Variants in LRMDA observed in about 807,000 individuals in gnomAD.
LRMDA encodes the protein leucine-rich melanocyte differentiation-associated protein.
In LRMDA, 18 loss-of-function variants were observed where a neutral mutation model predicts 29.8. The observed-to-expected ratio is 0.60, with a 90% CI of 0.42 to 0.90. LRMDA has a LOEUF of 0.90. Ranked by LOEUF, LRMDA falls within the 40% of genes least tolerant of loss-of-function variation. LRMDA has a pLI of 0.00. For synonymous variants in LRMDA, 125 were observed against 109.4 expected, an observed-to-expected ratio of 1.14 and a Z score of -0.89; for missense variants, 273 against 273.9, an observed-to-expected ratio of 1.00 and a Z score of 0.02.
intron 2 of LRMDA, among the ~76,000 whole-genome samples, chr10:75,687,494 G>A (rs984609108): frequency 6.6e-6 from 1 of 152,196 alleles, no homozygotes; most frequent in Non-Finnish European, 1.5e-5. Context: ...GAGAGGTAAG[G>A]AAGCTGCAAA....
intron 2 of LRMDA, among the ~76,000 whole-genome samples, chr10:75,930,665 G>T (rs770725920): frequency 6.6e-6 from 1 of 152,176 alleles, no homozygotes; most frequent in African/African-American, 2.4e-5. Flanking sequence ...TGTCAAAGTT[G>T]CTGAGAGAGC....
chr10:76,450,315 A>G (rs976051393), intron 6 of LRMDA, among the ~76,000 whole-genome samples: 12 of 151,964 alleles, frequency 7.9e-5, no homozygotes, highest in Admixed American at 6.5e-5. Context: ...GGCCAGCCTT[A>G]TTTTTGCTAC....
At chr10:76,153,917 C>A (rs990603589) in intron 5 of LRMDA, among the ~76,000 whole-genome samples, 2 of 152,176 alleles carry the variant, frequency 1.3e-5, no homozygotes, top group Non-Finnish European at 2.9e-5. Context: ...GTGCCTGCTT[C>A]AAATGTTGGC....
At chr10:75,938,306 G>A (rs115763808) in intron 2 of LRMDA, among the ~76,000 whole-genome samples, 12 of 152,298 alleles carry the variant, frequency 7.9e-5, no homozygotes, top group Admixed American at 4.6e-4. Context: ...AATTTGCCAC[G>A]TTACCTCCTA....
intron 1 of LRMDA, among the ~76,000 whole-genome samples, chr10:75,435,102 A>G (rs1385690244): frequency 6.6e-6 from 1 of 152,198 alleles, no homozygotes. Context: ...TTAGGGTACA[A>G]ATTATAGAAA....
chr10:76,237,334 C>T (rs1462585979), intron 5 of LRMDA, among the ~76,000 whole-genome samples: 2 of 152,054 alleles, frequency 1.3e-5, no homozygotes, highest in Admixed American at 6.5e-5. Flanking sequence ...CACCAAAATT[C>T]ACAGACCTCT....
At chr10:75,443,900 G>A (rs1412539789) in intron 2 of LRMDA, among the ~76,000 whole-genome samples, 1 of 151,988 alleles carries the variant, frequency 6.6e-6, no homozygotes, top group Non-Finnish European at 1.5e-5. Context: ...TTATGTGGCT[G>A]GATTTGTATT....
At chr10:75,457,757 A>C (rs1223664614) in intron 2 of LRMDA, among the ~76,000 whole-genome samples, 1 of 152,218 alleles carries the variant, frequency 6.6e-6, no homozygotes, top group Non-Finnish European at 1.5e-5. Flanking sequence ...CATCAGTTAC[A>C]GGCAAAGAAT....
chr10:76,058,650 G>A lies in LRMDA; in HGVS notation c.399-16G>A, dbSNP rs1402804063. 6.2e-7 allele frequency: 1 copy of A among 1,602,346 alleles called. No individual in the cohort carries two copies. The highest frequency in any genetic ancestry group is 8.6e-7 in the Non-Finnish European group (1 of 1,169,374). The stretch of plus-strand genomic sequence containing the variant: ...CACTCAAACTTCCTGAGTTGTCTCT[G>A]ACTCTTATCTTCCAGATGCTTTGTT... On this transcript the variant is annotated splice_polypyrimidine_tract_variant and intron_variant, in intron 4 of 6. Coordinates refer to ENST00000611255, the MANE Select transcript of LRMDA (RefSeq NM_001305581.2).
At chr10:76,359,037 C>G (rs774620827) in intron 6 of LRMDA, among the ~76,000 whole-genome samples, 5 of 152,192 alleles carry the variant, frequency 3.3e-5, no homozygotes, top group Admixed American at 6.5e-5. Context: ...GGCCTCTTCT[C>G]TGTTCTCCCA....
At chr10:76,372,870 C>T (rs1016524761) in intron 6 of LRMDA, among the ~76,000 whole-genome samples, 6 of 152,016 alleles carry the variant, frequency 3.9e-5, no homozygotes, top group African/African-American at 1.4e-4. Flanking sequence ...CCCATTTTAA[C>T]ATTGTGTTAT....
intron 5 of LRMDA, among the ~76,000 whole-genome samples, chr10:76,059,530 C>T (rs528162138): frequency 2.6e-5 from 4 of 152,298 alleles, no homozygotes; most frequent in East Asian, 3.9e-4. Context: ...GGAATGGACT[C>T]GGTGACCCCT....
chr10:75,666,555 CACTA>C (rs766813652), intron 2 of LRMDA, among the ~76,000 whole-genome samples: 11 of 152,110 alleles, frequency 7.2e-5, no homozygotes, highest in Admixed American at 3.9e-4. Flanking sequence ...AGTGTCAAGT[CACTA>C]ACTATGAACT....
At chr10:76,336,343 A>G (rs1008113493) in intron 6 of LRMDA, among the ~76,000 whole-genome samples, 129 of 152,224 alleles carry the variant, frequency 8.5e-4, no homozygotes, top group African/African-American at 2.8e-3. Context: ...GACGGAGCAT[A>G]ACTTCAGTTG....
At chr10:75,672,578 T>C (rs1282376087) in intron 2 of LRMDA, among the ~76,000 whole-genome samples, 2 of 27,314 alleles carry the variant, frequency 7.3e-5, no homozygotes, top group African/African-American at 4.9e-4. Context: ...TCCCTTCCCT[T>C]CCCTTCCCTG....
At chr10:75,772,877 G>GT (rs560368082) in intron 2 of LRMDA, among the ~76,000 whole-genome samples, 24 of 125,262 alleles carry the variant, frequency 1.9e-4, no homozygotes, top group Admixed American at 7.7e-4. Context: ...GATGGGGGGG[G>GT]GCAGATTAAT....
chr10:76,531,298 A>C (rs1272557841), intron 6 of LRMDA, among the ~76,000 whole-genome samples: 1 of 152,174 alleles, frequency 6.6e-6, no homozygotes, highest in Non-Finnish European at 1.5e-5. Flanking sequence ...AGAGACTCGG[A>C]AATTCAAGAT....
chr10:76,345,060 C>CTTTTTTTTTT (rs60233969), intron 6 of LRMDA, among the ~76,000 whole-genome samples: 4 of 77,586 alleles, frequency 5.2e-5, no homozygotes, highest in Non-Finnish European at 6.8e-5. Flanking sequence ...AACACAAAAC[C>CTTTTTTTTTT]TTTTTTTTTT....
At chr10:75,540,266 GGCAGAGGGAACA>G (rs2132048313) in intron 2 of LRMDA, among the ~76,000 whole-genome samples, 1 of 152,304 alleles carries the variant, frequency 6.6e-6, no homozygotes, top group South Asian at 2.1e-4. Flanking sequence ...TTGGGAACCT[GGCAGAGGGAACA>G]GCAAGTGAAA....
Sources: allele counts gnomAD v4.1 joint callset (sites outside exome capture counted in the v4.1 genomes callset), GRCh38; gene constraint gnomAD v4.1.1; transcripts MANE v1.5; gene names NCBI Gene and HGNC (gene_info 2026-07-23, HGNC 2026-07-21).